LRRC36: variants seen among roughly 807,000 people sequenced by gnomAD.
LRRC36 encodes leucine-rich repeat-containing protein 36.
A neutral mutation model predicts 81.1 loss-of-function variants in LRRC36; 62 were observed. The observed-to-expected ratio is 0.76, with a 90% CI of 0.62 to 0.94. The LOEUF is 0.94. Ranked by LOEUF, LRRC36 falls within the 40% of genes least tolerant of loss-of-function variation. The pLI is 0.00. For missense variants in LRRC36, 761 were observed against 881.7 expected, an observed-to-expected ratio of 0.86 and a Z score of 1.73; for synonymous variants, 334 against 348.6, an observed-to-expected ratio of 0.96 and a Z score of 0.47.
At chr16:67,347,402 A>T (rs2038402113) in intron 3 of LRRC36, 93 bp from the exon 4 acceptor site, 6 of 1,572,674 alleles carry the variant, frequency 3.8e-6, no homozygotes, top group Non-Finnish European at 5.2e-6. Flanking sequence ...ACTGGTCCTA[A>T]TTTTTCCTCT....
intron 1 of LRRC36, among the ~76,000 whole-genome samples, chr16:67,334,669 C>A (rs1427670427): frequency 6.6e-6 from 1 of 152,104 alleles, no homozygotes; most frequent in Non-Finnish European, 1.5e-5. Context: ...ACCTAAAAAT[C>A]CCCTGTGCCC....
intron 1 of LRRC36, among the ~76,000 whole-genome samples, chr16:67,334,270 C>T (rs989425608): frequency 2.0e-5 from 3 of 151,836 alleles, no homozygotes; most frequent in Admixed American, 6.6e-5. Context: ...CCGCCCGCCT[C>T]GGCTTCCCAA....
At chr16:67,351,192 T>G (rs2038614854) in intron 5 of LRRC36, among the ~76,000 whole-genome samples, 1 of 152,194 alleles carries the variant, frequency 6.6e-6, no homozygotes, top group South Asian at 2.1e-4. Flanking sequence ...GACCTTTTAC[T>G]TGAGAAAATA....
At position 67,334,460 on chromosome 16, in the gene LRRC36, G is replaced by T. The variant is rs189544321; in HGVS notation, c.71-7497G>T. Among the ~76,000 whole-genome samples the T allele has an allele frequency of 4.8e-3, 729 of 152,260 alleles. 28 individuals are homozygous for T. The highest frequency in any genetic ancestry group is 0.045 in the Admixed American group (683 of 15,288). The stretch of plus-strand genomic sequence containing the variant: ...ATGCCTCAGCCTCCCAAGTAGCTGG[G>T]ACTGCAGGCGTGTGCCACCATGCCT... On this transcript the variant is annotated intron_variant, in intron 1 of 13. Coordinates refer to ENST00000329956, the MANE Select transcript of LRRC36 (RefSeq NM_018296.6).
At position 67,347,532 on chromosome 16, in the gene LRRC36, C is replaced by CA. The variant is rs2038409294; in HGVS notation, c.431dup (p.Leu145AlafsTer4). ...TACGTGAAGGTGAGAGAAAAGCTGC[C>CA]AAGCTGCATTTTAGTCAGTTGGGCA... On this transcript the variant is annotated frameshift_variant, in exon 4 of 14. Transcript: ENST00000329956. LOFTEE classifies it high-confidence loss of function. 6.2e-7 allele frequency: 1 copy of CA among 1,613,124 alleles called. No homozygotes were observed. The highest frequency in any genetic ancestry group is 1.3e-5 in the African/African-American group (1 of 74,896).
At chr16:67,347,405 T>C (rs1427719201) in intron 3 of LRRC36, 90 bp from the exon 4 acceptor site, 1 of 1,576,836 alleles carries the variant, frequency 6.3e-7, no homozygotes, top group Non-Finnish European at 8.6e-7. Context: ...GGTCCTAATT[T>C]TTCCTCTGCG....
intron 13 of LRRC36, among the ~76,000 whole-genome samples, chr16:67,384,290 T>A (rs913681331): frequency 1.3e-5 from 2 of 152,088 alleles, no homozygotes; most frequent in Admixed American, 6.6e-5. Context: ...CAAAATTAGC[T>A]GAGTGTGGTG....
At chr16:67,352,544 AG>A (rs2038694990) in intron 5 of LRRC36, among the ~76,000 whole-genome samples, 2 of 152,206 alleles carry the variant, frequency 1.3e-5, no homozygotes, top group African/African-American at 4.8e-5. Context: ...TCCCCGAAAT[AG>A]GCGTACCTAG....
At chr16:67,378,801 C>A in intron 12 of LRRC36, 89 bp downstream of exon 12, 1 of 1,441,922 alleles carries the variant, frequency 6.9e-7, no homozygotes, top group Non-Finnish European at 9.4e-7. Flanking sequence ...ATCATGCTAG[C>A]TCACGTGGCT....
intron 3 of LRRC36, among the ~76,000 whole-genome samples, chr16:67,346,885 T>C (rs921687241): frequency 1.1e-4 from 17 of 152,236 alleles, no homozygotes; most frequent in African/African-American, 4.1e-4. Flanking sequence ...TATTTATTTA[T>C]TTATTTTGAG....
chr16:67,376,913 C>T (rs964854929), intron 11 of LRRC36, 41 bp downstream of exon 11: 3 of 1,567,404 alleles, frequency 1.9e-6, no homozygotes, highest in Non-Finnish European at 2.6e-6. Flanking sequence ...GACAGAGCAG[C>T]AGAACTACAA....
rs751941582 is a variant in LRRC36, at chr16:67,376,873, G to A, written c.1806+1G>A. ...TGCGCAGCTGGTCCCTAATGACATG[G>A]TATGCCCCTCTCATCTCCCTTTAGA... On this transcript the variant is annotated splice_donor_variant, in intron 11 of 13. Coordinates refer to ENST00000329956, the MANE Select transcript of LRRC36 (RefSeq NM_018296.6). LOFTEE classifies it high-confidence loss of function. The A allele has an allele frequency of 1.6e-5, 25 of 1,607,360 alleles. No homozygotes were observed. Among genetic ancestry groups the A allele is most frequent in the Middle Eastern group, 1.7e-4 (1 of 6,046 alleles).
chr16:67,351,257 C>T (rs1193110146), intron 5 of LRRC36, among the ~76,000 whole-genome samples: 3 of 152,046 alleles, frequency 2.0e-5, no homozygotes, highest in East Asian at 1.9e-4. Context: ...TATACACAAA[C>T]TCTAAACATC....
At chr16:67,341,932 A>G (rs761494613) in intron 1 of LRRC36, 25 bp from the exon 2 acceptor site, 6 of 1,591,666 alleles carry the variant, frequency 3.8e-6, no homozygotes, top group Non-Finnish European at 4.3e-6. Flanking sequence ...GGATCATAAT[A>G]TATCTACTGA....
chr16:67,334,028 T>C (rs2037630274), intron 1 of LRRC36, among the ~76,000 whole-genome samples: 1 of 152,100 alleles, frequency 6.6e-6, no homozygotes, highest in Non-Finnish European at 1.5e-5. Context: ...ATTATTATTA[T>C]TTTTATTTAT....
intron 1 of LRRC36, among the ~76,000 whole-genome samples, chr16:67,329,941 C>T (rs1204345701): frequency 6.6e-6 from 1 of 151,978 alleles, no homozygotes; most frequent in South Asian, 2.1e-4. Flanking sequence ...AATAAGAATC[C>T]GTATATGGTC....
At position 67,362,767 on chromosome 16, in the gene LRRC36, TTTG is replaced by T. The variant is rs111993299; in HGVS notation, c.578-802_578-800del. 6.0e-5 allele frequency among the ~76,000 whole-genome samples: 9 copies of T among 151,216 alleles called. No individual in the cohort carries two copies. In the South Asian group the frequency reaches 1.0e-3, roughly 18 times the overall value. ...CTGGTTTCTCTCTCTTTTTTTTGTT[TTTG>T]TTGTTGTTGTTGTTGTTGTTTTATT... is the stretch of plus-strand genomic sequence containing the variant. On this transcript the variant is annotated intron_variant, in intron 5 of 13. Coordinates refer to ENST00000329956, the MANE Select transcript of LRRC36 (RefSeq NM_018296.6).
rs375840066 is a variant in LRRC36, at chr16:67,375,437, T to A, written c.1660+25T>A. 196 of 1,546,426 alleles carry A rather than the reference T, an allele frequency of 1.3e-4. No individual in the cohort carries two copies. In the African/African-American group the frequency reaches 2.3e-3, roughly 18 times the overall value. On this transcript the variant is annotated intron_variant, in intron 10 of 13. Transcript: ENST00000329956. ...GGTGAGTGAATGCATTCTCTGTCCT[T>A]GGACAGGAGTTGGACTTTTCCTCTG...
chr16:67,343,595 T>C (rs1000261016), intron 2 of LRRC36, among the ~76,000 whole-genome samples: 5 of 150,732 alleles, frequency 3.3e-5, no homozygotes, highest in Admixed American at 3.3e-4. Flanking sequence ...CTTGGGAGGC[T>C]GAAGGAGGAG....
Sources: allele counts gnomAD v4.1 joint callset (sites outside exome capture counted in the v4.1 genomes callset), GRCh38; gene constraint gnomAD v4.1.1; transcripts MANE v1.5; gene names NCBI Gene and HGNC (gene_info 2026-07-23, HGNC 2026-07-21).